Variants in SRGAP2 observed in about 807,000 individuals in gnomAD.
SRGAP2 encodes SLIT-ROBO Rho GTPase-activating protein 2.
SRGAP2 carries 15 observed loss-of-function variants against 57.2 expected under a neutral mutation model. The observed-to-expected ratio is 0.26, with a 90% confidence interval of 0.18 to 0.40. SRGAP2 has a LOEUF of 0.40. Among genes scored for constraint, SRGAP2 ranks in the 10% least tolerant of loss-of-function variants. The pLI, the probability that SRGAP2 is intolerant of heterozygous loss-of-function variation, is 1.00. For missense variants in SRGAP2, 520 were observed against 669.6 expected, an observed-to-expected ratio of 0.78 and a Z score of 2.47; for synonymous variants, 249 against 248.0, an observed-to-expected ratio of 1.00 and a Z score of -0.04.
At chr1:206,268,069 CTA>C (rs1351182065) in intron 2 of SRGAP2, among the ~76,000 whole-genome samples, 2 of 145,388 alleles carry the variant, frequency 1.4e-5, no homozygotes, top group Non-Finnish European at 3.0e-5. Flanking sequence ...TGAACATGGA[CTA>C]TATATATATA....
chr1:206,444,951 GA>G (rs1423639724), intron 17 of SRGAP2, among the ~76,000 whole-genome samples: 1 of 152,192 alleles, frequency 6.6e-6, no homozygotes, highest in Non-Finnish European at 1.5e-5. Flanking sequence ...ACATCTCCAG[GA>G]GGGGAGAGAA....
At chr1:206,305,575 T>C (rs1158102409) in intron 3 of SRGAP2, among the ~76,000 whole-genome samples, 1 of 152,076 alleles carries the variant, frequency 6.6e-6, no homozygotes, top group Non-Finnish European at 1.5e-5. Flanking sequence ...CCTTCTGTTA[T>C]CTTCTCTGAG....
chr1:206,240,039 G>A (rs1668115595), intron 2 of SRGAP2, among the ~76,000 whole-genome samples: 1 of 151,824 alleles, frequency 6.6e-6, no homozygotes, highest in Non-Finnish European at 1.5e-5. Flanking sequence ...GCCAAGGCGG[G>A]CGGATCACGA....
chr1:206,419,252 C>G (rs1471446727), intron 11 of SRGAP2, 121 bp from the exon 12 acceptor site: 2 of 692,530 alleles, frequency 2.9e-6, no homozygotes, highest in African/African-American at 3.5e-5. Flanking sequence ...CTCTCTTTTG[C>G]CACACACTGT....
At chr1:206,240,054 A>G (rs1213861407) in intron 2 of SRGAP2, among the ~76,000 whole-genome samples, 1 of 151,864 alleles carries the variant, frequency 6.6e-6, no homozygotes, top group Admixed American at 6.6e-5. Context: ...TCACGAGATC[A>G]GGAGTTCGAG....
chr1:206,318,905 A>T (rs1553326771), intron 3 of SRGAP2, among the ~76,000 whole-genome samples: 1 of 151,768 alleles, frequency 6.6e-6, no homozygotes. Flanking sequence ...ACATTTCAAC[A>T]TGAGATTTGG....
Position 206,230,630 on chromosome 1 carries a change from T to TA in SRGAP2, c.67+24593_67+24594insA, listed in dbSNP as rs1491383325. Among the ~76,000 whole-genome samples, 1,006 of 139,998 alleles carry TA rather than the reference T, an allele frequency of 7.2e-3. 4 individuals carry two copies. Among genetic ancestry groups the TA allele is most frequent in the Middle Eastern group, 0.036 (10 of 280 alleles). The allele number at this position is 139,998 out of a possible 152,430, so 91.8% of individuals were successfully genotyped here. Reference sequence around the variant, plus strand: ...AAGTCCCTGCTTTCATGGAGCTGTATTTTTTTTTTTTTTTGAGACGGAGTC... The same window carrying TA: ...AAGTCCCTGCTTTCATGGAGCTGTATATTTTTTTTTTTTTTGAGACGGAGTC... On this transcript the variant is annotated intron_variant, in intron 2 of 22. Transcript: ENST00000573034.
intron 2 of SRGAP2, among the ~76,000 whole-genome samples, chr1:206,208,619 A>G (rs1206580160): frequency 3.9e-5 from 6 of 152,210 alleles, no homozygotes; most frequent in South Asian, 2.1e-4. Context: ...TGGGCTCTCT[A>G]TGGAACAGCA....
chr1:206,303,991 A>G (rs1171790637), intron 3 of SRGAP2, among the ~76,000 whole-genome samples: 2 of 152,046 alleles, frequency 1.3e-5, no homozygotes, highest in Non-Finnish European at 2.9e-5. Flanking sequence ...CAGGGTCTAT[A>G]TTTTTAACCA....
At position 206,353,700 on chromosome 1, in the gene SRGAP2, A is replaced by C. The variant is rs1293759493; in HGVS notation, c.423+10692A>C. On this transcript the variant is annotated intron_variant, in intron 4 of 22. Coordinates refer to ENST00000573034, the MANE Select transcript of SRGAP2 (RefSeq NM_015326.5). ...ACAGAGCAAGACTCCATCTCAAAAA[A>C]TAAATAAATAAATAAATAAATAATT... Among the ~76,000 whole-genome samples the C allele has an allele frequency of 3.4e-5, 5 of 148,860 alleles. No homozygotes were observed. In the East Asian group the frequency reaches 7.7e-4, roughly 23 times the overall value.
intron 10 of SRGAP2, among the ~76,000 whole-genome samples, chr1:206,410,454 A>G (rs1304966917): frequency 6.6e-6 from 1 of 152,238 alleles, no homozygotes; most frequent in African/African-American, 2.4e-5. Context: ...AAAACGTACT[A>G]TAAAGTTTCT....
chr1:206,272,697 C>A (rs1277182635), intron 2 of SRGAP2, among the ~76,000 whole-genome samples: 2 of 152,220 alleles, frequency 1.3e-5, no homozygotes, highest in African/African-American at 4.8e-5. Flanking sequence ...CAGGTGTGAG[C>A]CACTGTGCCC....
rs1553371464 is a variant in SRGAP2, at chr1:206,440,078, A to G, written c.1871A>G (p.Asn624Ser). The change falls in exon 17 of 23, where the codon AAT (asparagine) becomes AGT (serine). Residue 624 changes from asparagine to serine, a missense_variant. This residue lies in a region of SRGAP2 where 478 missense variants were observed against 373.6 expected (regional missense o/e 1.28). Coordinates refer to ENST00000573034, the MANE Select transcript of SRGAP2 (RefSeq NM_015326.5). ...IIMRYLFAFL[N>S]HLSQFSEENM... ...ATGAGATACCTCTTTGCCTTCCTCA[A>G]TCAGTGAGTAGCCTTCCCAGTGAAC... 10 of 780,784 alleles carry G rather than the reference A, an allele frequency of 1.3e-5. 1 individual carries two copies. Among genetic ancestry groups the G allele is most frequent in the South Asian group, 9.4e-5 (7 of 74,594 alleles). 48.4% of individuals were successfully genotyped at this position (780,784 alleles called of 1,614,324 possible). A position where few individuals can be genotyped will look rare whatever the true frequency, so the allele number is the denominator to read the frequency against.
intron 13 of SRGAP2, 77 bp from the exon 14 acceptor site, chr1:206,430,085 G>A (rs1183661705): frequency 9.0e-6 from 7 of 774,568 alleles, no homozygotes; most frequent in South Asian, 2.7e-5. Flanking sequence ...AGTTCTGCAC[G>A]GTTTGGCCCG....
At chr1:206,334,829 A>G (rs1674654854) in intron 3 of SRGAP2, among the ~76,000 whole-genome samples, 1 of 146,776 alleles carries the variant, frequency 6.8e-6, no homozygotes, top group Non-Finnish European at 1.5e-5. Flanking sequence ...TTATTTTAAA[A>G]ATCTGCTAAC....
chr1:206,426,626 C>T (rs1435383226), intron 13 of SRGAP2, among the ~76,000 whole-genome samples: 1 of 152,170 alleles, frequency 6.6e-6, no homozygotes, highest in Non-Finnish European at 1.5e-5. Context: ...TTCTCTGCAT[C>T]CTTGCCAGCA....
At chr1:206,449,043 C>T (rs548338448) in intron 18 of SRGAP2, among the ~76,000 whole-genome samples, 97 of 152,230 alleles carry the variant, frequency 6.4e-4, no homozygotes, top group Admixed American at 1.6e-3. Flanking sequence ...GGAAACTGTG[C>T]GGCCAGGCTG....
Position 206,454,688 on chromosome 1 carries a change from T to G in SRGAP2, c.2361-190T>G. On this transcript the variant is annotated intron_variant, in intron 20 of 22. Transcript: ENST00000573034. This position sits in a 1 kb window ranked among gnomAD's most constrained non-coding sequence, Gnocchi z 4.3. ...ACTCAGCGGATTATTTATTTTTATT[T>G]AAACGACCCTTCAAAGGCCCTTAGG... 3.5e-6 allele frequency: 2 copies of G among 564,602 alleles called. No individual in the cohort carries two copies. Among genetic ancestry groups the G allele is most frequent in the Admixed American group, 3.4e-5 (1 of 29,718 alleles). 35.0% of individuals were successfully genotyped at this position (564,602 alleles called of 1,614,324 possible). A position where few individuals can be genotyped will look rare whatever the true frequency, so the allele number is the denominator to read the frequency against.
intron 18 of SRGAP2, 136 bp from the exon 19 acceptor site, chr1:206,450,250 G>T: frequency 1.6e-6 from 1 of 609,878 alleles, no homozygotes; most frequent in Non-Finnish European, 3.0e-6. Context: ...ATAAGCATTT[G>T]TCTATTGTGT....
Sources: gnomAD v4.1 joint callset for allele counts (sites outside exome capture counted in the v4.1 genomes callset) on GRCh38, gnomAD v4.1.1 for gene constraint, gnomAD v4.1.1 regional missense constraint, Gnocchi (gnomAD v3.1) non-coding constraint, MANE v1.5 for transcripts, NCBI Gene and HGNC (gene_info 2026-07-23, HGNC 2026-07-21) for gene names.